Variants in CUX1 observed in about 807,000 individuals in gnomAD.
CUX1 encodes the protein protein CASP.
Under a neutral mutation model 158.8 loss-of-function variants are expected in CUX1, and 31 were observed. That is an observed-to-expected ratio of 0.20 (90% confidence interval 0.15 to 0.26). The LOEUF (loss-of-function observed/expected upper bound fraction) is 0.26, where lower values mean the gene tolerates loss of function less well. Ranked by LOEUF, CUX1 falls within the 10% of genes least tolerant of loss-of-function variation. The probability of loss-of-function intolerance (pLI) is 1.00; values close to 1 mark genes in which losing one functional copy is unlikely to be tolerated. For missense variants in CUX1, 1,589 were observed against 2,014.6 expected (o/e 0.79, Z 4.04); for synonymous variants, 879 against 862.1 (o/e 1.02, Z -0.34).
At chr7:102,060,911 CT>C (rs1039443388) in intron 3 of CUX1, among the ~76,000 whole-genome samples, 172 of 79,464 alleles carry the variant, frequency 2.2e-3, no homozygotes, top group East Asian at 3.1e-3. Flanking sequence ...CGCGCCTGGC[CT>C]TTTTTTTTTT....
intron 2 of CUX1, among the ~76,000 whole-genome samples, chr7:101,993,522 G>A (rs1202814054): frequency 1.3e-5 from 2 of 152,182 alleles, no homozygotes; most frequent in Non-Finnish European, 2.9e-5. Context: ...TCATTTCATA[G>A]TATGTCGGAG....
chr7:101,995,521 C>T (rs770647472), intron 2 of CUX1, among the ~76,000 whole-genome samples: 21 of 152,240 alleles, frequency 1.4e-4, no homozygotes, highest in Non-Finnish European at 3.1e-4. Context: ...TTACAGTAAA[C>T]ATGGTGGGAA....
At position 101,881,964 on chromosome 7, in the gene CUX1, G is replaced by A. The variant is rs573059423; in HGVS notation, c.31-34151G>A. ...AGGCTGAGGCAGGAGGATCGCTTGA[G>A]CCCAGGAGTTTGAGACCAACCTTGG... On this transcript the variant is annotated intron_variant, in intron 1 of 23. Coordinates refer to ENST00000292535, the MANE Select transcript of CUX1 (RefSeq NM_181552.4). Among the ~76,000 whole-genome samples, 16 of 151,750 alleles carry A rather than the reference G, an allele frequency of 1.1e-4. No individual in the cohort carries two copies. The East Asian group carries it at 2.9e-3, about 28-fold the overall frequency.
intron 1 of CUX1, among the ~76,000 whole-genome samples, chr7:101,885,019 C>T (rs1438367910): frequency 6.6e-5 from 10 of 152,174 alleles, no homozygotes; most frequent in Non-Finnish European, 1.5e-4. Flanking sequence ...CCTCCCCTCC[C>T]TGCATGTCCT....
At chr7:101,924,069 A>G (rs1805296349) in intron 2 of CUX1, among the ~76,000 whole-genome samples, 1 of 152,130 alleles carries the variant, frequency 6.6e-6, no homozygotes, top group Non-Finnish European at 1.5e-5. Context: ...AGGCACGGTG[A>G]GGGGAGGAGG....
At chr7:102,068,445 G>C (rs1252579687) in intron 3 of CUX1, among the ~76,000 whole-genome samples, 2 of 34,284 alleles carry the variant, frequency 5.8e-5, no homozygotes, top group African/African-American at 7.3e-4. Context: ...TTATCGGGTT[G>C]AGGGGGTGGA....
At chr7:102,117,418 A>AAAAAAC (rs1563266418) in intron 8 of CUX1, among the ~76,000 whole-genome samples, 1 of 151,340 alleles carries the variant, frequency 6.6e-6, no homozygotes, top group Non-Finnish European at 1.5e-5. Flanking sequence ...AAAAAAAAAA[A>AAAAAAC]AGGTCAATAT....
chr7:101,856,610 T>C (rs1338275349), intron 1 of CUX1, among the ~76,000 whole-genome samples: 1 of 152,184 alleles, frequency 6.6e-6, no homozygotes, highest in African/African-American at 2.4e-5. Context: ...GGCTTCCTCC[T>C]TGTGGTTAGT....
At chr7:101,875,278 G>T (rs1234226816) in intron 1 of CUX1, among the ~76,000 whole-genome samples, 2 of 152,158 alleles carry the variant, frequency 1.3e-5, no homozygotes, top group Non-Finnish European at 2.9e-5. Context: ...CAGGCCTTCA[G>T]TGGGGTGATG....
chr7:102,071,447 CTA>C (rs1418253761), intron 4 of CUX1, among the ~76,000 whole-genome samples: 1 of 152,090 alleles, frequency 6.6e-6, no homozygotes, highest in Non-Finnish European at 1.5e-5. Flanking sequence ...ATGGACATAA[CTA>C]TGTGGGGCCC....
chr7:102,206,744 A>G (rs1198755897), intron 20 of CUX1, among the ~76,000 whole-genome samples: 1 of 152,126 alleles, frequency 6.6e-6, no homozygotes, highest in Non-Finnish European at 1.5e-5. Flanking sequence ...TAAAGATACA[A>G]AAAAATTAGC....
intron 5 of CUX1, 23 bp downstream of exon 5, chr7:102,097,524 G>C (rs1554484708): frequency 1.9e-6 from 3 of 1,558,258 alleles, no homozygotes; most frequent in Admixed American, 4.3e-5. Flanking sequence ...TGCGTTCTTT[G>C]CTTTTTCTTT....
Position 102,254,477 on chromosome 7 carries a change from A to G in CUX1, c.*5435A>G. On this transcript the variant is annotated 3_prime_UTR_variant, in exon 24 of 24. Transcript: ENST00000292535. Reference sequence around the variant, plus strand: ...CACAGTGGCATCACCCTCTTATCCCAAAAGAATATGCCAGTTCCCATCCAG... The same window carrying G: ...CACAGTGGCATCACCCTCTTATCCCGAAAGAATATGCCAGTTCCCATCCAG... The G allele has an allele frequency of 1.0e-6, 1 of 985,430 alleles. No homozygotes were observed. Among genetic ancestry groups the G allele is most frequent in the Non-Finnish European group, 1.2e-6 (1 of 829,944 alleles). The allele number at this position is 985,430 out of a possible 1,614,324, so 61.0% of individuals were successfully genotyped here.
chr7:101,924,074 A>T (rs937431028), intron 2 of CUX1, among the ~76,000 whole-genome samples: 4 of 152,084 alleles, frequency 2.6e-5, no homozygotes, highest in Non-Finnish European at 5.9e-5. Context: ...CGGTGAGGGG[A>T]GGAGGTCCCT....
intron 2 of CUX1, among the ~76,000 whole-genome samples, chr7:101,964,612 C>T (rs749927483): frequency 2.6e-5 from 4 of 152,168 alleles, no homozygotes; most frequent in Non-Finnish European, 4.4e-5. Context: ...CTAGAAACCA[C>T]GCCTCCATTG....
intron 2 of CUX1, among the ~76,000 whole-genome samples, chr7:101,938,155 C>T (rs111263614): frequency 4.6e-5 from 7 of 150,974 alleles, no homozygotes; most frequent in Admixed American, 2.0e-4. Context: ...CTCTGTCACT[C>T]AGGCTGGAAT....
intron 11 of CUX1, among the ~76,000 whole-genome samples, chr7:102,185,989 G>A (rs1793580849): frequency 6.6e-6 from 1 of 152,316 alleles, no homozygotes; most frequent in East Asian, 1.9e-4. Context: ...AGCATACCAC[G>A]CGGCCAGCGG....
At chr7:102,016,380 A>G (rs536421896) in intron 2 of CUX1, among the ~76,000 whole-genome samples, 1 of 152,372 alleles carries the variant, frequency 6.6e-6, no homozygotes, top group South Asian at 2.1e-4. Flanking sequence ...GAGGCACAGC[A>G]GCCTGTGGTC....
At chr7:102,219,220 GAGAA>G (rs1554526020) in intron 20 of CUX1, among the ~76,000 whole-genome samples, 1 of 152,004 alleles carries the variant, frequency 6.6e-6, no homozygotes, top group Non-Finnish European at 1.5e-5. Flanking sequence ...GAGAGAGAGA[GAGAA>G]AGAAAATCAT....
Sources: gnomAD v4.1 joint callset for allele counts (sites outside exome capture counted in the v4.1 genomes callset) on GRCh38, gnomAD v4.1.1 for gene constraint, MANE v1.5 for transcripts, NCBI Gene and HGNC (gene_info 2026-07-23, HGNC 2026-07-21) for gene names.